The following MYO6 variants were observed in gnomAD, a reference collection of about 807,000 sequenced individuals.
MYO6 encodes myosin VI.
Under a neutral mutation model 178.7 loss-of-function variants are expected in MYO6, and 74 were observed. The ratio of observed to expected loss-of-function variants is 0.41; its 90% CI spans 0.34 to 0.50. The LOEUF (loss-of-function observed/expected upper bound fraction) is 0.50. MYO6 is among the 20% of genes least tolerant of loss of function. The pLI, the probability that MYO6 is intolerant of heterozygous loss-of-function variation, is 0.09. For missense variants in MYO6, 1,330 were observed against 1,547.4 expected (o/e 0.86, Z 2.36); for synonymous variants, 477 against 504.6 (o/e 0.95, Z 0.73).
intron 6 of MYO6, among the ~76,000 whole-genome samples, chr6:75,834,618 C>T (rs1773460999): frequency 6.6e-6 from 1 of 152,144 alleles, no homozygotes; most frequent in Non-Finnish European, 1.5e-5. Flanking sequence ...TTTACATACC[C>T]ATGAGGTTAG....
intron 33 of MYO6, among the ~76,000 whole-genome samples, chr6:75,912,577 C>T (rs925519398): frequency 2.0e-5 from 3 of 152,062 alleles, no homozygotes; most frequent in African/African-American, 7.2e-5. Context: ...TTACAGGAGA[C>T]TTACTTCAAA....
chr6:75,781,602 G>A (rs575025346), intron 1 of MYO6, among the ~76,000 whole-genome samples: 2 of 152,148 alleles, frequency 1.3e-5, no homozygotes, highest in East Asian at 3.9e-4. Flanking sequence ...GTGTCATTTG[G>A]AGAAACTGTT....
At chr6:75,816,947 A>C (rs1284744780) in intron 1 of MYO6, among the ~76,000 whole-genome samples, 1 of 152,204 alleles carries the variant, frequency 6.6e-6, no homozygotes, top group African/African-American at 2.4e-5. Flanking sequence ...TCATACCTGA[A>C]GGAAGGCAGT....
At chr6:75,908,007 G>C (rs1173456959) in intron 31 of MYO6, among the ~76,000 whole-genome samples, 1 of 152,090 alleles carries the variant, frequency 6.6e-6, no homozygotes, top group Non-Finnish European at 1.5e-5. Flanking sequence ...TTTGAGTTCA[G>C]AAAACTATGA....
chr6:75,810,514 G>C (rs1344069513), intron 1 of MYO6, among the ~76,000 whole-genome samples: 2 of 152,114 alleles, frequency 1.3e-5, no homozygotes, highest in Non-Finnish European at 2.9e-5. Context: ...AAAAGGGAGG[G>C]GGGTATAATG....
rs760717131 is a variant in MYO6, at chr6:75,822,861, A to T, written c.187+10A>T. The stretch of plus-strand genomic sequence containing the variant: ...GATGTGGAAGATAACTGTAAGTACC[A>T]AGTTAAAAATTAACTCTCCGCACAG... On this transcript the variant is annotated intron_variant, in intron 3 of 34. Coordinates refer to ENST00000369977, the MANE Select transcript of MYO6 (RefSeq NM_004999.4). 5 of 1,605,640 alleles carry T rather than the reference A, an allele frequency of 3.1e-6. No homozygotes were observed. The East Asian group carries it at 1.1e-4, about 36-fold the overall frequency.
At chr6:75,900,982 A>G (rs1488596081) in intron 30 of MYO6, among the ~76,000 whole-genome samples, 1 of 151,346 alleles carries the variant, frequency 6.6e-6, no homozygotes, top group Non-Finnish European at 1.5e-5. Flanking sequence ...ACCATTTATT[A>G]AATAGGGAAT....
At chr6:75,909,761 C>G (rs911858154) in intron 32 of MYO6, among the ~76,000 whole-genome samples, 4 of 152,044 alleles carry the variant, frequency 2.6e-5, no homozygotes, top group South Asian at 4.1e-4. Flanking sequence ...TTTTTTTCCC[C>G]TAAGCGGTAT....
At chr6:75,791,144 A>G (rs1275581559) in intron 1 of MYO6, among the ~76,000 whole-genome samples, 1 of 152,170 alleles carries the variant, frequency 6.6e-6, no homozygotes, top group Non-Finnish European at 1.5e-5. Flanking sequence ...CGTGTTAGCC[A>G]GGATGGTCTT....
intron 17 of MYO6, 141 bp downstream of exon 17, chr6:75,866,762 C>G (rs1454603059): frequency 1.9e-6 from 2 of 1,046,728 alleles, no homozygotes; most frequent in African/African-American, 1.6e-5. Flanking sequence ...TTCCTCAGTA[C>G]ACTAGCCACA....
At chr6:75,891,772 G>A (rs1360888387) in intron 27 of MYO6, among the ~76,000 whole-genome samples, 1 of 152,212 alleles carries the variant, frequency 6.6e-6, no homozygotes, top group African/African-American at 2.4e-5. Context: ...TTATGGGAAT[G>A]GACTTTGGAG....
chr6:75,817,370 G>A, intron 1 of MYO6, 131 bp from the exon 2 acceptor site: 1 of 634,694 alleles, frequency 1.6e-6, no homozygotes, highest in South Asian at 1.8e-5. Context: ...AGGAGGTGGG[G>A]ATTTTATGTG....
chr6:75,865,673 CT>C (rs1776604797), intron 16 of MYO6, among the ~76,000 whole-genome samples: 1 of 152,042 alleles, frequency 6.6e-6, no homozygotes, highest in South Asian at 2.1e-4. Flanking sequence ...CCCAACATCA[CT>C]TTTCTTACCC....
intron 1 of MYO6, among the ~76,000 whole-genome samples, chr6:75,759,303 T>G (rs1294496962): frequency 6.6e-6 from 1 of 152,134 alleles, no homozygotes. Flanking sequence ...AGGAAGGAGA[T>G]TTTACCCCTG....
intron 1 of MYO6, among the ~76,000 whole-genome samples, chr6:75,816,062 CA>C (rs763412831): frequency 3.9e-5 from 6 of 152,132 alleles, no homozygotes; most frequent in Non-Finnish European, 7.3e-5. Context: ...AGAAACCATA[CA>C]GGGGTAATGG....
At chr6:75,807,203 T>C (rs1770191251) in intron 1 of MYO6, among the ~76,000 whole-genome samples, 1 of 152,246 alleles carries the variant, frequency 6.6e-6, no homozygotes, top group South Asian at 2.1e-4. Context: ...TTGTGATTAA[T>C]GATCCTTAGA....
intron 30 of MYO6, among the ~76,000 whole-genome samples, chr6:75,903,402 G>T (rs964474580): frequency 7.9e-5 from 12 of 151,554 alleles, no homozygotes; most frequent in East Asian, 3.9e-4. Flanking sequence ...TTATGAATCT[G>T]GGTGCTCCTG....
intron 2 of MYO6, among the ~76,000 whole-genome samples, chr6:75,821,624 T>TACACAC (rs3839376): frequency 0.33 from 50,011 of 150,792 alleles, 9,016 homozygotes; most frequent in Admixed American, 0.47. Flanking sequence ...GTTGTAGCTT[T>TACACAC]ACACACACAC....
intron 1 of MYO6, among the ~76,000 whole-genome samples, chr6:75,800,170 T>G (rs1769301877): frequency 6.6e-6 from 1 of 152,080 alleles, no homozygotes; most frequent in African/African-American, 2.4e-5. Context: ...CAGACTCTAC[T>G]CTCCCCAAAC....
Sources: gnomAD v4.1 joint callset for allele counts (sites outside exome capture counted in the v4.1 genomes callset) on GRCh38, gnomAD v4.1.1 for gene constraint, MANE v1.5 for transcripts, NCBI Gene and HGNC (gene_info 2026-07-23, HGNC 2026-07-21) for gene names.